SNX24: variants seen among roughly 807,000 people sequenced by gnomAD.
SNX24 encodes the protein sorting nexin-24.
A neutral mutation model predicts 28.7 loss-of-function variants in SNX24; 22 were observed. That is an observed-to-expected ratio of 0.77 (90% CI 0.55 to 1.10). The LOEUF (loss-of-function observed/expected upper bound fraction) is 1.10. Among genes scored for constraint, SNX24 ranks in the 50% least tolerant of loss-of-function variants. SNX24 has a pLI of 0.00. For missense variants in SNX24, 221 were observed against 201.1 expected, an observed-to-expected ratio of 1.10 and a Z score of -0.60; for synonymous variants, 69 against 71.5, an observed-to-expected ratio of 0.96 and a Z score of 0.18.
chr5:122,953,193 C>T (rs1760044132), intron 3 of SNX24, among the ~76,000 whole-genome samples: 1 of 151,996 alleles, frequency 6.6e-6, no homozygotes, highest in Admixed American at 6.6e-5. Flanking sequence ...TAACCTCCAC[C>T]TCATGGGTTC....
chr5:122,930,708 G>A (rs1190323893), intron 1 of SNX24, among the ~76,000 whole-genome samples: 3 of 152,004 alleles, frequency 2.0e-5, no homozygotes, highest in Non-Finnish European at 2.9e-5. Context: ...ATTGTAGATT[G>A]GATATTTATT....
intron 1 of SNX24, among the ~76,000 whole-genome samples, chr5:122,928,799 A>G (rs993751946): frequency 2.6e-5 from 4 of 151,232 alleles, no homozygotes; most frequent in African/African-American, 9.7e-5. Context: ...TGATGAGTAT[A>G]TGGCTATAAT....
At chr5:122,861,282 G>A (rs532453626) in intron 1 of SNX24, among the ~76,000 whole-genome samples, 1 of 152,312 alleles carries the variant, frequency 6.6e-6, no homozygotes, top group African/African-American at 2.4e-5. Flanking sequence ...GGAGTTGGCA[G>A]TGAGCCGAGA....
intron 6 of SNX24, among the ~76,000 whole-genome samples, chr5:123,005,091 C>G (rs554120221): frequency 6.6e-6 from 1 of 152,234 alleles, no homozygotes; most frequent in African/African-American, 2.4e-5. Flanking sequence ...AGAAAACAAC[C>G]CAAAACCCTG....
rs540643327 is a variant in SNX24, at chr5:122,916,412, G to A, written c.61-20322G>A. Among the ~76,000 whole-genome samples, 112 of 152,290 alleles carry A rather than the reference G, an allele frequency of 7.4e-4. 1 individual carries two copies. In the Middle Eastern group the frequency reaches 0.024, roughly 32 times the overall value. On this transcript the variant is annotated intron_variant, in intron 1 of 6. Coordinates refer to ENST00000261369, the MANE Select transcript of SNX24 (RefSeq NM_014035.4). Reference sequence around the variant, plus strand: ...TATCCTGGGGGGCCTGCTTTGTTCTGTTGGCATCATAAAGCTAGAAGTTGA... The same window carrying A: ...TATCCTGGGGGGCCTGCTTTGTTCTATTGGCATCATAAAGCTAGAAGTTGA...
intron 1 of SNX24, among the ~76,000 whole-genome samples, chr5:122,869,986 A>G (rs61174133): frequency 0.012 from 1,885 of 151,834 alleles, 41 homozygotes; most frequent in African/African-American, 0.044. Context: ...GCCATTCATT[A>G]GTAGTACAAA....
intron 1 of SNX24, among the ~76,000 whole-genome samples, chr5:122,932,776 G>A (rs929646885): frequency 2.7e-5 from 4 of 148,974 alleles, no homozygotes; most frequent in African/African-American, 5.0e-5. Context: ...GGAGAATGGC[G>A]TGAACCCAGG....
chr5:122,951,418 A>G (rs1759937770), intron 3 of SNX24, among the ~76,000 whole-genome samples: 1 of 152,154 alleles, frequency 6.6e-6, no homozygotes, highest in Non-Finnish European at 1.5e-5. Flanking sequence ...TTTACATCTA[A>G]AAATTTTAAT....
At chr5:122,944,897 G>T (rs149819854) in intron 2 of SNX24, among the ~76,000 whole-genome samples, 62 of 152,092 alleles carry the variant, frequency 4.1e-4, no homozygotes, top group African/African-American at 1.4e-3. Flanking sequence ...ACGTTGGTAG[G>T]TTTTTTTCAA....
rs562216743 is a variant in SNX24 at position 122,991,423 on chromosome 5, G to A, written c.250-8489G>A. Among the ~76,000 whole-genome samples, 7 of 152,206 alleles carry A rather than the reference G, an allele frequency of 4.6e-5. No homozygotes were observed. In the Middle Eastern group the frequency reaches 0.01, roughly 222 times the overall value. Reference sequence around the variant, plus strand: ...GAAGTTGTCAAACAGGTTTTGAAATGTTATGAGTCCAGATCCTTTTGTTTT... The same window carrying A: ...GAAGTTGTCAAACAGGTTTTGAAATATTATGAGTCCAGATCCTTTTGTTTT... On this transcript the variant is annotated intron_variant, in intron 3 of 6. Transcript: ENST00000261369.
At chr5:122,919,103 G>A (rs904734204) in intron 1 of SNX24, among the ~76,000 whole-genome samples, 3 of 152,164 alleles carry the variant, frequency 2.0e-5, no homozygotes, top group African/African-American at 7.2e-5. Context: ...AATTAGAAAG[G>A]CAGAGACTAA....
At chr5:122,986,075 A>T (rs1194639626) in intron 3 of SNX24, among the ~76,000 whole-genome samples, 9 of 144,306 alleles carry the variant, frequency 6.2e-5, no homozygotes, top group African/African-American at 1.7e-4. Context: ...TGGTTGTCAG[A>T]GGTGAGAGAA....
intron 1 of SNX24, among the ~76,000 whole-genome samples, chr5:122,931,330 C>A (rs1024656782): frequency 2.6e-5 from 4 of 152,006 alleles, no homozygotes; most frequent in African/African-American, 9.7e-5. Flanking sequence ...CATAATAATT[C>A]TTTACAATTA....
chr5:122,927,247 A>C (rs757774369), intron 1 of SNX24, among the ~76,000 whole-genome samples: 108 of 152,222 alleles, frequency 7.1e-4, no homozygotes, highest in Non-Finnish European at 1.4e-3. Flanking sequence ...GAAGAGAGCA[A>C]TGGAAGACAT....
chr5:122,948,569 C>T (rs1383071804), intron 3 of SNX24: 1 of 152,342 alleles, frequency 6.6e-6, no homozygotes, highest in Admixed American at 6.5e-5. Flanking sequence ...CATAAACAGG[C>T]AGATCAGCTC....
chr5:122,997,932 C>G (rs924079196), intron 3 of SNX24, among the ~76,000 whole-genome samples: 4 of 151,612 alleles, frequency 2.6e-5, no homozygotes, highest in African/African-American at 9.7e-5. Flanking sequence ...AAACAGATAT[C>G]TAGAAAAAAA....
intron 5 of SNX24, chr5:123,028,417 C>T (rs796108791): frequency 2.1e-4 from 39 of 182,964 alleles, no homozygotes; most frequent in African/African-American, 7.9e-4. Flanking sequence ...CTCTGCCGCA[C>T]GCTGCCATCC....
intron 3 of SNX24, among the ~76,000 whole-genome samples, chr5:122,971,307 G>A (rs1272206502): frequency 6.6e-6 from 1 of 152,148 alleles, no homozygotes; most frequent in Admixed American, 6.5e-5. Flanking sequence ...ATCACATGCT[G>A]CCCACCCAGA....
intron 1 of SNX24, among the ~76,000 whole-genome samples, chr5:122,859,305 C>G (rs1228866171): frequency 6.6e-6 from 1 of 152,008 alleles, no homozygotes; most frequent in Non-Finnish European, 1.5e-5. Flanking sequence ...ATCCTGTTCC[C>G]CCAACAAAAT....
Sources: gnomAD v4.1 joint callset for allele counts (sites outside exome capture counted in the v4.1 genomes callset) on GRCh38, gnomAD v4.1.1 for gene constraint, MANE v1.5 for transcripts, NCBI Gene and HGNC (gene_info 2026-07-23, HGNC 2026-07-21) for gene names.